Variants in GNAQ observed in about 807,000 individuals in gnomAD.
GNAQ encodes G protein subunit alpha q, also known as guanine nucleotide-binding protein G(q) subunit alpha.
A neutral mutation model predicts 43.9 loss-of-function variants in GNAQ; 8 were observed. That is an observed-to-expected ratio of 0.18 (90% CI 0.11 to 0.33). The LOEUF is 0.33. GNAQ is among the 10% of genes least tolerant of loss of function. GNAQ has a pLI of 1.00. For synonymous variants in GNAQ, 155 were observed against 170.7 expected (o/e 0.91, Z 0.71); for missense variants, 158 against 450.8 (o/e 0.35, Z 5.88).
At chr9:77,859,039 T>G (rs1827802696) in intron 2 of GNAQ, among the ~76,000 whole-genome samples, 1 of 152,116 alleles carries the variant, frequency 6.6e-6, no homozygotes, top group East Asian at 1.9e-4. Flanking sequence ...GCCTAACACA[T>G]CAAACACAGG....
chr9:77,927,818 T>A (rs1178279656), intron 1 of GNAQ, among the ~76,000 whole-genome samples: 1 of 152,134 alleles, frequency 6.6e-6, no homozygotes, highest in Non-Finnish European at 1.5e-5. Context: ...TCTTAATGAA[T>A]GGGAAGGCTC....
At chr9:77,854,612 C>T (rs1387389842) in intron 2 of GNAQ, among the ~76,000 whole-genome samples, 2 of 152,188 alleles carry the variant, frequency 1.3e-5, no homozygotes, top group African/African-American at 2.4e-5. Flanking sequence ...CCCTGGTCTG[C>T]CCTACTCATT....
At chr9:78,030,985 G>A (rs1824050056) in intron 1 of GNAQ, 115 bp downstream of exon 1, 2 of 711,246 alleles carry the variant, frequency 2.8e-6, no homozygotes, top group South Asian at 4.5e-5. Context: ...GCCCGGGAGG[G>A]TAGGGGCGAA....
chr9:77,745,357 CA>C (rs766130165), intron 5 of GNAQ, among the ~76,000 whole-genome samples: 4 of 152,076 alleles, frequency 2.6e-5, no homozygotes, highest in African/African-American at 4.8e-5. Flanking sequence ...AGAAAATCTC[CA>C]GCAGAAAATA....
intron 1 of GNAQ, among the ~76,000 whole-genome samples, chr9:78,019,316 G>A (rs1390284388): frequency 1.3e-5 from 2 of 152,170 alleles, no homozygotes. Flanking sequence ...CATCTTAGAT[G>A]GTAACCCATG....
chr9:78,002,839 T>C (rs1353958412), intron 1 of GNAQ, among the ~76,000 whole-genome samples: 1 of 152,168 alleles, frequency 6.6e-6, no homozygotes, highest in Non-Finnish European at 1.5e-5. Flanking sequence ...CAACTACCTT[T>C]TCTCCCCACC....
intron 2 of GNAQ, among the ~76,000 whole-genome samples, chr9:77,836,809 T>C (rs930309870): frequency 3.3e-5 from 5 of 152,222 alleles, no homozygotes; most frequent in African/African-American, 1.2e-4. Context: ...CCTATATCTA[T>C]ACATCTAAAA....
chr9:77,809,365 G>A (rs754642940), intron 3 of GNAQ, among the ~76,000 whole-genome samples: 1 of 152,198 alleles, frequency 6.6e-6, no homozygotes. Flanking sequence ...ATACGCCAAT[G>A]TGATTGAGAC....
chr9:77,998,449 T>C (rs191547491), intron 1 of GNAQ, among the ~76,000 whole-genome samples: 1 of 152,344 alleles, frequency 6.6e-6, no homozygotes, highest in East Asian at 1.9e-4. Flanking sequence ...TATACTCCAG[T>C]TCTTATGCAA....
intron 5 of GNAQ, among the ~76,000 whole-genome samples, chr9:77,761,837 C>A (rs1234899784): frequency 5.4e-5 from 3 of 55,440 alleles, no homozygotes; most frequent in African/African-American, 5.4e-5. Context: ...CCGCCCCGTC[C>A]GGGAGGGAGG....
At chr9:77,888,049 C>T (rs1321319874) in intron 2 of GNAQ, among the ~76,000 whole-genome samples, 2 of 152,170 alleles carry the variant, frequency 1.3e-5, no homozygotes, top group African/African-American at 4.8e-5. Context: ...ACATTTTGTG[C>T]CTTTACTGCT....
chr9:77,792,792 T>A (rs531612319), intron 5 of GNAQ, among the ~76,000 whole-genome samples: 1 of 152,278 alleles, frequency 6.6e-6, no homozygotes, highest in East Asian at 1.9e-4. Context: ...GCTTCTTACA[T>A]CTCTTGTGTA....
At chr9:77,847,027 A>T (rs1036336250) in intron 2 of GNAQ, among the ~76,000 whole-genome samples, 5 of 152,160 alleles carry the variant, frequency 3.3e-5, no homozygotes, top group Non-Finnish European at 5.9e-5. Context: ...AACTTCCTGA[A>T]CTGTGGTCGC....
At chr9:77,755,946 C>T (rs559553534) in intron 5 of GNAQ, among the ~76,000 whole-genome samples, 17 of 152,178 alleles carry the variant, frequency 1.1e-4, no homozygotes, top group South Asian at 6.2e-4. Flanking sequence ...TTTGAGTCAG[C>T]GGAACGGGAA....
intron 5 of GNAQ, among the ~76,000 whole-genome samples, chr9:77,741,550 G>A (rs1291202062): frequency 1.3e-5 from 2 of 152,138 alleles, no homozygotes; most frequent in Non-Finnish European, 2.9e-5. Flanking sequence ...CCACGGCACA[G>A]AGGATGCAAC....
intron 5 of GNAQ, among the ~76,000 whole-genome samples, chr9:77,779,084 T>C (rs111778362): frequency 2.3e-4 from 35 of 152,068 alleles, no homozygotes; most frequent in African/African-American, 6.7e-4. Context: ...TGGCCAGCTG[T>C]TGATTACTTT....
chr9:77,757,966 C>T (rs1025770270), intron 5 of GNAQ, among the ~76,000 whole-genome samples: 8 of 152,156 alleles, frequency 5.3e-5, no homozygotes, highest in African/African-American at 7.2e-5. Flanking sequence ...TATGCTCCTA[C>T]GAGCAAAAAG....
chr9:77,808,438 C>G (rs1309291728), intron 3 of GNAQ, among the ~76,000 whole-genome samples: 2 of 150,604 alleles, frequency 1.3e-5, no homozygotes, highest in Non-Finnish European at 3.0e-5. Context: ...ATATGTCACT[C>G]AAGTGAAAAG....
At chr9:77,880,112 T>C (rs1292321696) in intron 2 of GNAQ, among the ~76,000 whole-genome samples, 1 of 152,194 alleles carries the variant, frequency 6.6e-6, no homozygotes, top group Non-Finnish European at 1.5e-5. Flanking sequence ...TCAGCTCTTC[T>C]AATGAACAAG....
Sources: gnomAD v4.1 joint callset for allele counts (sites outside exome capture counted in the v4.1 genomes callset) on GRCh38, gnomAD v4.1.1 for gene constraint, MANE v1.5 for transcripts, NCBI Gene and HGNC (gene_info 2026-07-23, HGNC 2026-07-21) for gene names.